The following PTPRD variants were observed in gnomAD, a reference collection of about 807,000 sequenced individuals.
PTPRD encodes the protein protein tyrosine phosphatase receptor type D.
Under a neutral mutation model 214.5 loss-of-function variants are expected in PTPRD, and 34 were observed. The ratio of observed to expected loss-of-function variants is 0.16; its 90% confidence interval spans 0.12 to 0.21. The LOEUF (loss-of-function observed/expected upper bound fraction) is 0.21, where lower values mean the gene tolerates loss of function less well. Ranked by LOEUF, PTPRD falls within the 10% of genes least tolerant of loss-of-function variation. The probability of loss-of-function intolerance (pLI) is 1.00; values close to 1 mark genes in which losing one functional copy is unlikely to be tolerated. For synonymous variants in PTPRD, 1,128 were observed against 845.7 expected (o/e 1.33, Z -5.79); for missense variants, 2,545 against 2,398.7 (o/e 1.06, Z -1.27).
chr9:8,851,172 G>T (rs990251895), intron 11 of PTPRD, among the ~76,000 whole-genome samples: 8 of 149,142 alleles, frequency 5.4e-5, no homozygotes, highest in African/African-American at 2.0e-4. Flanking sequence ...AAAAGTCTAA[G>T]CAGCTTTCTA....
intron 8 of PTPRD, among the ~76,000 whole-genome samples, chr9:9,551,634 G>T (rs771824224): frequency 6.6e-6 from 1 of 151,904 alleles, no homozygotes; most frequent in African/African-American, 2.4e-5. Flanking sequence ...TACATCCTTT[G>T]TTCTTCTTTC....
intron 2 of PTPRD, among the ~76,000 whole-genome samples, chr9:10,478,938 C>G (rs1168148788): frequency 6.6e-6 from 1 of 151,792 alleles, no homozygotes; most frequent in Non-Finnish European, 1.5e-5. Context: ...TTATGTCTCT[C>G]CATACATAAA....
At chr9:8,966,533 G>T (rs1234369223) in intron 11 of PTPRD, among the ~76,000 whole-genome samples, 2 of 151,930 alleles carry the variant, frequency 1.3e-5, no homozygotes, top group Non-Finnish European at 2.9e-5. Context: ...TTAATAAATG[G>T]TATTGAGACA....
chr9:9,115,147 G>C (rs1314927310), intron 10 of PTPRD, among the ~76,000 whole-genome samples: 16 of 152,116 alleles, frequency 1.1e-4, no homozygotes, highest in Non-Finnish European at 5.9e-5. Flanking sequence ...ATTTCTGGTG[G>C]TTATTCTATT....
At chr9:8,985,418 C>G (rs192005743) in intron 11 of PTPRD, among the ~76,000 whole-genome samples, 192 of 152,068 alleles carry the variant, frequency 1.3e-3, no homozygotes, top group African/African-American at 4.5e-3. Context: ...AACATAGATC[C>G]ATTAATACAG....
At position 8,728,015 on chromosome 9, in the gene PTPRD, C is replaced by T. The variant is rs189644140; in HGVS notation, c.64+5765G>A. ...GTAATCCCAGCAATTTGGGAGGCCA[C>T]GGCGGGCGGATCACCTGAGGTCGGG... On this transcript the variant is annotated intron_variant, in intron 12 of 45. Transcript: ENST00000381196. 7.9e-5 allele frequency among the ~76,000 whole-genome samples: 12 copies of T among 152,144 alleles called. No individual in the cohort carries two copies. In the East Asian group the frequency reaches 1.7e-3, roughly 22 times the overall value.
At chr9:10,010,048 G>A (rs112358862) in intron 4 of PTPRD, among the ~76,000 whole-genome samples, 2,081 of 151,958 alleles carry the variant, frequency 0.014, 29 homozygotes, top group South Asian at 0.042. Context: ...CATTCAGTTG[G>A]TTGAGAGGCT....
At chr9:9,196,240 C>T (rs2099938541) in intron 9 of PTPRD, among the ~76,000 whole-genome samples, 1 of 152,180 alleles carries the variant, frequency 6.6e-6, no homozygotes, top group African/African-American at 2.4e-5. Context: ...TTTCTTCCTA[C>T]TTCCTGGAAC....
intron 14 of PTPRD, among the ~76,000 whole-genome samples, chr9:8,530,864 A>G (rs138063931): frequency 7.7e-4 from 117 of 152,194 alleles, no homozygotes; most frequent in Admixed American, 1.8e-3. Context: ...TTGATGGACT[A>G]TTAAGGAAAA....
intron 14 of PTPRD, among the ~76,000 whole-genome samples, chr9:8,593,824 T>C (rs1274119295): frequency 6.6e-6 from 1 of 152,192 alleles, no homozygotes; most frequent in Non-Finnish European, 1.5e-5. Context: ...AGAACCATCA[T>C]AGCTGGTGAA....
rs118082482 is a variant in PTPRD, at chr9:9,377,203, T to G, written c.-203+20246A>C. 6.1e-3 allele frequency among the ~76,000 whole-genome samples: 935 copies of G among 152,220 alleles called. 4 individuals carry two copies. The highest frequency in any genetic ancestry group is 0.014 in the Middle Eastern group (4 of 292). Reference sequence around the variant, plus strand: ...ATGTATGCAAATACATGTCCATACATAGATATATATGAATACAGTATCTTT... The same window carrying G: ...ATGTATGCAAATACATGTCCATACAGAGATATATATGAATACAGTATCTTT... On this transcript the variant is annotated intron_variant, in intron 9 of 45. Transcript: ENST00000381196.
chr9:10,532,115 G>A (rs1173135559), intron 2 of PTPRD: 7 of 152,100 alleles, frequency 4.6e-5, no homozygotes, highest in African/African-American at 1.7e-4. Context: ...ATTTGTTGCA[G>A]AAGCTTATAT....
At chr9:8,592,630 G>C (rs1371747624) in intron 14 of PTPRD, among the ~76,000 whole-genome samples, 1 of 152,056 alleles carries the variant, frequency 6.6e-6, no homozygotes, top group Admixed American at 6.6e-5. Flanking sequence ...CAGGCTTCCT[G>C]ATGTCTTTTC....
At chr9:9,207,233 GC>G (rs2099945415) in intron 9 of PTPRD, among the ~76,000 whole-genome samples, 1 of 152,180 alleles carries the variant, frequency 6.6e-6, no homozygotes, top group South Asian at 2.1e-4. Context: ...TGGTGAGAAA[GC>G]AGTAGTTTCA....
intron 2 of PTPRD, among the ~76,000 whole-genome samples, chr9:10,522,716 T>C (rs1252664982): frequency 1.3e-5 from 2 of 152,010 alleles, no homozygotes; most frequent in African/African-American, 4.8e-5. Flanking sequence ...GGTTCAAGAA[T>C]AATTTCAGTT....
intron 2 of PTPRD, among the ~76,000 whole-genome samples, chr9:10,397,255 C>T (rs1038156271): frequency 6.6e-6 from 1 of 152,036 alleles, no homozygotes; most frequent in African/African-American, 2.4e-5. Flanking sequence ...ATTAACTACT[C>T]TATGTTGCAG....
chr9:8,664,771 C>A (rs1057195391), intron 12 of PTPRD, among the ~76,000 whole-genome samples: 9 of 152,176 alleles, frequency 5.9e-5, no homozygotes, highest in African/African-American at 2.2e-4. Context: ...CAGTCATATT[C>A]ATATACAAAG....
intron 2 of PTPRD, among the ~76,000 whole-genome samples, chr9:10,445,411 G>C (rs1473751916): frequency 1.3e-5 from 2 of 152,026 alleles, no homozygotes; most frequent in African/African-American, 4.8e-5. Flanking sequence ...TGCAATAGGA[G>C]CAATGAAGTA....
At chr9:8,755,069 G>T (rs931837379) in intron 11 of PTPRD, among the ~76,000 whole-genome samples, 2 of 152,114 alleles carry the variant, frequency 1.3e-5, no homozygotes, top group Admixed American at 6.5e-5. Context: ...TGTTGGGAAG[G>T]TTGCAGTGCA....
Sources: allele counts gnomAD v4.1 joint callset (sites outside exome capture counted in the v4.1 genomes callset), GRCh38; gene constraint gnomAD v4.1.1; transcripts MANE v1.5; gene names NCBI Gene and HGNC (gene_info 2026-07-23, HGNC 2026-07-21).